The following CNTNAP2 variants were observed in gnomAD, a reference collection of about 807,000 sequenced individuals.
CNTNAP2 encodes contactin associated protein 2.
A neutral mutation model predicts 155.2 loss-of-function variants in CNTNAP2; 98 were observed. That is an observed-to-expected ratio of 0.63 (90% CI 0.54 to 0.75). CNTNAP2 has a LOEUF of 0.75. Ranked by LOEUF, CNTNAP2 falls within the 30% of genes least tolerant of loss-of-function variation. The probability of loss-of-function intolerance (pLI) is 0.00; values close to 1 mark genes in which losing one functional copy is unlikely to be tolerated. For missense variants in CNTNAP2, 1,727 were observed against 1,688.1 expected (o/e 1.02, Z -0.40); for synonymous variants, 651 against 631.2 (o/e 1.03, Z -0.47).
intron 1 of CNTNAP2, among the ~76,000 whole-genome samples, chr7:146,316,996 C>G (rs1800918230): frequency 6.6e-6 from 1 of 152,040 alleles, no homozygotes; most frequent in African/African-American, 2.4e-5. Flanking sequence ...TAAACACTTT[C>G]AATTGAAAAT....
chr7:146,846,202 G>A (rs1803837679), intron 3 of CNTNAP2, among the ~76,000 whole-genome samples: 1 of 152,064 alleles, frequency 6.6e-6, no homozygotes, highest in Admixed American at 6.6e-5. Flanking sequence ...CAAAAGATGA[G>A]TATTACCCTT....
intron 2 of CNTNAP2, among the ~76,000 whole-genome samples, chr7:146,820,946 G>T (rs1803268942): frequency 6.6e-6 from 1 of 151,990 alleles, no homozygotes; most frequent in Non-Finnish European, 1.5e-5. Context: ...TTTGATCTTT[G>T]TTGGTTTAAA....
At position 146,360,040 on chromosome 7, in the gene CNTNAP2, C is replaced by G. The variant is rs142472497; in HGVS notation, c.97+243067C>G. On this transcript the variant is annotated intron_variant, in intron 1 of 23. Coordinates refer to ENST00000361727, the MANE Select transcript of CNTNAP2 (RefSeq NM_014141.6). The stretch of plus-strand genomic sequence containing the variant: ...TCTTAACATAAAATAAAGTACACCT[C>G]AGTACCAGAATTCTGTTAGCCTGTG... Among the ~76,000 whole-genome samples the G allele has an allele frequency of 2.8e-3, 429 of 152,324 alleles. 2 individuals carry two copies. Among genetic ancestry groups the G allele is most frequent in the Middle Eastern group, 0.014 (4 of 294 alleles).
At chr7:147,724,063 T>C (rs999417714) in intron 13 of CNTNAP2, among the ~76,000 whole-genome samples, 1 of 151,974 alleles carries the variant, frequency 6.6e-6, no homozygotes, top group African/African-American at 2.4e-5. Flanking sequence ...TCAAAATCTT[T>C]AAAAGCATTA....
chr7:147,637,228 A>T (rs976614739), intron 12 of CNTNAP2, among the ~76,000 whole-genome samples: 1 of 152,104 alleles, frequency 6.6e-6, no homozygotes, highest in Admixed American at 6.5e-5. Flanking sequence ...TGTTGAGTGT[A>T]GATGTGAGGA....
intron 3 of CNTNAP2, among the ~76,000 whole-genome samples, chr7:146,930,103 T>A (rs1796713973): frequency 1.3e-5 from 2 of 151,854 alleles, no homozygotes; most frequent in Non-Finnish European, 2.9e-5. Flanking sequence ...ACAAAGATAC[T>A]CCTCGAGAAG....
rs35712483 is a variant in CNTNAP2, at chr7:147,446,123, C to CTT, written c.1671-39795_1671-39794dup. On this transcript the variant is annotated intron_variant, in intron 10 of 23. Coordinates refer to ENST00000361727, the MANE Select transcript of CNTNAP2 (RefSeq NM_014141.6). ...AGACACACTTGCTCTTTGTTTCTTTCTTTTTTTTTTTTTTTTTTAACCTGT... is the reference window on the plus strand; with the variant it reads ...AGACACACTTGCTCTTTGTTTCTTTCTTTTTTTTTTTTTTTTTTTTAACCTGT... Among the ~76,000 whole-genome samples the CTT allele has an allele frequency of 3.6e-5, 5 of 139,920 alleles. No homozygotes were observed. In the South Asian group the frequency reaches 9.5e-4, roughly 26 times the overall value. 91.8% of individuals were successfully genotyped at this position (139,920 alleles called of 152,430 possible).
chr7:146,246,004 G>A (rs557279089), intron 1 of CNTNAP2, among the ~76,000 whole-genome samples: 20 of 149,520 alleles, frequency 1.3e-4, no homozygotes, highest in Admixed American at 2.6e-4. Context: ...TGTAAGGCTT[G>A]TCTGGTTTTA....
At chr7:146,201,898 T>C (rs1212781829) in intron 1 of CNTNAP2, among the ~76,000 whole-genome samples, 4 of 152,090 alleles carry the variant, frequency 2.6e-5, no homozygotes, top group African/African-American at 9.7e-5. Flanking sequence ...GTCGGTCTTC[T>C]TTAGAGCAAT....
At chr7:147,512,930 ATGT>A (rs1245392837) in intron 11 of CNTNAP2, among the ~76,000 whole-genome samples, 1 of 152,172 alleles carries the variant, frequency 6.6e-6, no homozygotes, top group Non-Finnish European at 1.5e-5. Context: ...AAGCAGAGCT[ATGT>A]TGTTTGACAG....
chr7:147,370,297 C>T (rs1796320327), intron 9 of CNTNAP2, among the ~76,000 whole-genome samples: 1 of 152,158 alleles, frequency 6.6e-6, no homozygotes, highest in Non-Finnish European at 1.5e-5. Flanking sequence ...TTGATAAATT[C>T]TTAGTCATCT....
chr7:147,185,877 G>A (rs1406159251), intron 8 of CNTNAP2, among the ~76,000 whole-genome samples: 1 of 152,070 alleles, frequency 6.6e-6, no homozygotes, highest in Non-Finnish European at 1.5e-5. Flanking sequence ...GATATCTGAT[G>A]GCTTTATAAG....
intron 1 of CNTNAP2, among the ~76,000 whole-genome samples, chr7:146,183,562 C>A (rs950972100): frequency 2.0e-5 from 3 of 151,306 alleles, no homozygotes; most frequent in Non-Finnish European, 4.4e-5. Context: ...CCAGTGCTGC[C>A]GCAGATCTGC....
chr7:146,674,843 C>T (rs1442149243), intron 1 of CNTNAP2, among the ~76,000 whole-genome samples: 1 of 152,112 alleles, frequency 6.6e-6, no homozygotes, highest in Non-Finnish European at 1.5e-5. Flanking sequence ...TGTTATGCAA[C>T]CTTAAGGCAT....
At position 146,162,844 on chromosome 7, in the gene CNTNAP2, C is replaced by T. The variant is rs867913434; in HGVS notation, c.97+45871C>T. ...ATGCAGCCATAAAAAAGGATGAGTT[C>T]ATGTCCTTTGAAGGGACATGGATGA... On this transcript the variant is annotated intron_variant, in intron 1 of 23. Transcript: ENST00000361727. Among the ~76,000 whole-genome samples the T allele has an allele frequency of 1.2e-4, 18 of 152,314 alleles. No individual in the cohort carries two copies. The South Asian group carries it at 1.4e-3, about 12-fold the overall frequency.
intron 3 of CNTNAP2, among the ~76,000 whole-genome samples, chr7:147,015,024 A>G (rs1298346247): frequency 1.3e-5 from 2 of 152,096 alleles, no homozygotes; most frequent in African/African-American, 4.8e-5. Flanking sequence ...AATTTCTTAA[A>G]TTATTTCAGC....
intron 13 of CNTNAP2, among the ~76,000 whole-genome samples, chr7:147,761,652 T>C (rs1247903143): frequency 6.6e-6 from 1 of 152,190 alleles, no homozygotes; most frequent in Non-Finnish European, 1.5e-5. Context: ...TCATGGGGAA[T>C]ATATAAATAA....
intron 16 of CNTNAP2, among the ~76,000 whole-genome samples, chr7:148,146,185 T>G (rs1451379193): frequency 6.6e-6 from 1 of 152,188 alleles, no homozygotes; most frequent in African/African-American, 2.4e-5. Flanking sequence ...TGACAGATAT[T>G]TAATTAAACT....
intron 2 of CNTNAP2, among the ~76,000 whole-genome samples, chr7:146,808,165 T>C (rs1339084205): frequency 6.6e-6 from 1 of 152,204 alleles, no homozygotes; most frequent in Non-Finnish European, 1.5e-5. Flanking sequence ...AATTTATTCA[T>C]TGAAGCATAC....
Sources: gnomAD v4.1 joint callset for allele counts (sites outside exome capture counted in the v4.1 genomes callset) on GRCh38, gnomAD v4.1.1 for gene constraint, MANE v1.5 for transcripts, NCBI Gene and HGNC (gene_info 2026-07-23, HGNC 2026-07-21) for gene names.